Variants in PDGFD observed in about 807,000 individuals in gnomAD.
The protein encoded by PDGFD is platelet derived growth factor D, also known as platelet-derived growth factor D.
Under a neutral mutation model 44.7 loss-of-function variants are expected in PDGFD, and 30 were observed. That is an observed-to-expected ratio of 0.67 (90% CI 0.50 to 0.91). PDGFD has a LOEUF of 0.91. Among genes scored for constraint, PDGFD ranks in the 40% least tolerant of loss-of-function variants. The pLI is 0.00. For missense variants in PDGFD, 445 were observed against 457.8 expected (o/e 0.97, Z 0.25); for synonymous variants, 173 against 168.4 (o/e 1.03, Z -0.21).
chr11:103,937,018 T>C (rs1229885869), intron 5 of PDGFD, among the ~76,000 whole-genome samples: 2 of 151,762 alleles, frequency 1.3e-5, no homozygotes, highest in Admixed American at 1.3e-4. Flanking sequence ...TAGAGACAGG[T>C]TCTCACCATG....
chr11:103,972,538 G>A (rs1859119309), intron 3 of PDGFD, among the ~76,000 whole-genome samples: 1 of 152,126 alleles, frequency 6.6e-6, no homozygotes, highest in Non-Finnish European at 1.5e-5. Flanking sequence ...CACTATCCTG[G>A]CTTCGTGACA....
At chr11:104,058,678 T>A (rs1026323233) in intron 1 of PDGFD, among the ~76,000 whole-genome samples, 2 of 152,218 alleles carry the variant, frequency 1.3e-5, no homozygotes, top group Non-Finnish European at 2.9e-5. Flanking sequence ...TACTCACATG[T>A]TCATAGTTCA....
At chr11:103,918,915 T>C (rs973315918) in intron 6 of PDGFD, among the ~76,000 whole-genome samples, 2 of 152,178 alleles carry the variant, frequency 1.3e-5, no homozygotes, top group Non-Finnish European at 2.9e-5. Flanking sequence ...TCTGGTCACC[T>C]TTAAAGGGAA....
chr11:104,074,984 C>T (rs889529482), intron 1 of PDGFD, among the ~76,000 whole-genome samples: 5 of 152,144 alleles, frequency 3.3e-5, no homozygotes, highest in African/African-American at 1.2e-4. Flanking sequence ...CAGTTCCATA[C>T]ATAGACTAAA....
At chr11:103,916,066 G>A (rs1331056147) in intron 6 of PDGFD, among the ~76,000 whole-genome samples, 1 of 152,162 alleles carries the variant, frequency 6.6e-6, no homozygotes, top group Non-Finnish European at 1.5e-5. Flanking sequence ...AAAAGCAATG[G>A]CAACAAAAGC....
chr11:103,939,030 C>T (rs939473701), intron 5 of PDGFD, among the ~76,000 whole-genome samples: 13 of 152,158 alleles, frequency 8.5e-5, no homozygotes, highest in Admixed American at 3.3e-4. Context: ...ATTGACTTGG[C>T]GATGTGGGCT....
In PDGFD at chr11:103,909,823, G is replaced by T. The variant is rs1858000209; in HGVS notation, c.988-4C>A. On this transcript the variant is annotated splice_polypyrimidine_tract_variant and splice_region_variant and intron_variant, in intron 6 of 6. Transcript: ENST00000393158. ...GGCCAGGCTCAAACTGTAATACCTA[G>T]GACAAGAAGCACATCTCCTGTTAGA... 1 of 1,614,092 alleles carries T rather than the reference G, an allele frequency of 6.2e-7. No homozygotes were observed. Among genetic ancestry groups the T allele is most frequent in the East Asian group, 2.2e-5 (1 of 44,880 alleles).
chr11:104,061,694 C>T (rs1191402802), intron 1 of PDGFD, among the ~76,000 whole-genome samples: 1 of 152,180 alleles, frequency 6.6e-6, no homozygotes, highest in South Asian at 2.1e-4. Flanking sequence ...ACTGCAACCT[C>T]GGCCTCCTAG....
At chr11:104,018,427 G>T (rs1181157119) in intron 1 of PDGFD, among the ~76,000 whole-genome samples, 1 of 152,114 alleles carries the variant, frequency 6.6e-6, no homozygotes, top group Non-Finnish European at 1.5e-5. Context: ...TATGTCTTCT[G>T]TCTCCCTGGC....
chr11:104,142,859 A>G (rs1862105034), intron 1 of PDGFD, among the ~76,000 whole-genome samples: 1 of 152,180 alleles, frequency 6.6e-6, no homozygotes, highest in South Asian at 2.1e-4. Flanking sequence ...GTGGTAGTGC[A>G]TGTCCGCGAA....
At chr11:103,949,642 T>C (rs1056361954) in intron 3 of PDGFD, among the ~76,000 whole-genome samples, 2 of 152,230 alleles carry the variant, frequency 1.3e-5, no homozygotes, top group Admixed American at 6.5e-5. Context: ...CTATTAATAC[T>C]TTCTGAGCTG....
intron 1 of PDGFD, among the ~76,000 whole-genome samples, chr11:104,057,236 A>T (rs1860634830): frequency 6.6e-6 from 1 of 152,188 alleles, no homozygotes; most frequent in Non-Finnish European, 1.5e-5. Context: ...GAAAAATTAA[A>T]GAATATTAAA....
intron 1 of PDGFD, among the ~76,000 whole-genome samples, chr11:104,023,200 A>G (rs2134383848): frequency 6.6e-6 from 1 of 152,290 alleles, no homozygotes; most frequent in African/African-American, 2.4e-5. Flanking sequence ...TAACCAGAAT[A>G]TCTAATAAAT....
chr11:104,123,958 G>A (rs1815991061), intron 1 of PDGFD, among the ~76,000 whole-genome samples: 1 of 151,342 alleles, frequency 6.6e-6, no homozygotes, highest in Admixed American at 6.6e-5. Flanking sequence ...AGAAGGAAGA[G>A]CACATTTAAC....
At position 104,037,873 on chromosome 11, in the gene PDGFD, A is replaced by G. The variant is rs921974976; in HGVS notation, c.125-37618T>C. 3.7e-6 allele frequency: 6 copies of G among 1,614,098 alleles called. No individual in the cohort carries two copies. In the African/African-American group the frequency reaches 6.7e-5, roughly 18 times the overall value. On this transcript the variant is annotated intron_variant, in intron 1 of 6. Coordinates refer to ENST00000393158, the MANE Select transcript of PDGFD (RefSeq NM_025208.5). ...CGATTTGAAGAAAAATGTGCTGGTC[A>G]TCGGCACCACTGGCACGCAGACTTA...
intron 3 of PDGFD, among the ~76,000 whole-genome samples, chr11:103,949,153 C>T (rs1231648252): frequency 6.6e-6 from 1 of 151,844 alleles, no homozygotes; most frequent in African/African-American, 2.4e-5. Context: ...CAGGTGTGCA[C>T]CACCACACCC....
chr11:103,960,622 T>C (rs1858921031), intron 3 of PDGFD, among the ~76,000 whole-genome samples: 1 of 152,222 alleles, frequency 6.6e-6, no homozygotes, highest in African/African-American at 2.4e-5. Context: ...CTCTTGTCAT[T>C]CCTTTTTGTA....
intron 5 of PDGFD, among the ~76,000 whole-genome samples, chr11:103,930,119 C>T (rs917932270): frequency 3.4e-4 from 52 of 152,130 alleles, no homozygotes; most frequent in Non-Finnish European, 5.9e-5. Flanking sequence ...TATCAAAGCT[C>T]TTTGACATCA....
intron 1 of PDGFD, among the ~76,000 whole-genome samples, chr11:104,064,274 T>C (rs1591145921): frequency 6.6e-6 from 1 of 152,236 alleles, no homozygotes; most frequent in Admixed American, 6.5e-5. Context: ...AATCACCCCA[T>C]GTGATATATA....
Sources: allele counts gnomAD v4.1 joint callset (sites outside exome capture counted in the v4.1 genomes callset), GRCh38; gene constraint gnomAD v4.1.1; transcripts MANE v1.5; gene names NCBI Gene and HGNC (gene_info 2026-07-23, HGNC 2026-07-21).